Variants in KIAA0040 observed in about 807,000 individuals in gnomAD.
The protein encoded by KIAA0040 is uncharacterized protein KIAA0040.
KIAA0040 carries 10 observed loss-of-function variants against 7.2 expected under a neutral mutation model. That is an observed-to-expected ratio of 1.38 (90% CI 0.85 to 2.34). The LOEUF (loss-of-function observed/expected upper bound fraction) is 2.34. KIAA0040 is among the 30% of genes most tolerant of loss of function. The pLI is 0.00. For synonymous variants in KIAA0040, 49 were observed against 40.1 expected (o/e 1.22, Z -0.84); for missense variants, 89 against 108.2 (o/e 0.82, Z 0.79).
intron 3 of KIAA0040, among the ~76,000 whole-genome samples, chr1:175,163,985 A>T (rs937555858): frequency 1.3e-5 from 2 of 152,168 alleles, no homozygotes; most frequent in Admixed American, 6.5e-5. Flanking sequence ...GGATGTTCAA[A>T]CATTCCAGGC....
intron 2 of KIAA0040, among the ~76,000 whole-genome samples, chr1:175,171,151 T>C (rs1333259385): frequency 6.6e-6 from 1 of 152,218 alleles, no homozygotes. Context: ...CGTGTTACCT[T>C]ATCAGGAGGC....
chr1:175,176,469 G>A (rs1011388127), intron 2 of KIAA0040: 1 of 152,116 alleles, frequency 6.6e-6, no homozygotes, highest in Admixed American at 6.5e-5. Context: ...CACCCCAGAG[G>A]GCAGTCTGTG....
chr1:175,161,066 T>G lies in KIAA0040; in HGVS notation c.-53A>C, dbSNP rs948237811. 6.4e-5 allele frequency: 95 copies of G among 1,488,692 alleles called. No homozygotes were observed. Among genetic ancestry groups the G allele is most frequent in the South Asian group, 4.1e-5 (3 of 74,016 alleles). The allele number at this position is 1,488,692 out of a possible 1,614,324, so 92.2% of individuals were successfully genotyped here. On this transcript the variant is annotated 5_prime_UTR_variant, in exon 4 of 4. Coordinates refer to ENST00000423313, the MANE Select transcript of KIAA0040 (RefSeq NM_014656.3). ...ACCCTCTCGGCTTACAAGCAGGTCC[T>G]GGGCTCAAAAGGATGCAACCTTGAC...
At chr1:175,178,810 T>C (rs979530445) in intron 1 of KIAA0040, among the ~76,000 whole-genome samples, 7 of 152,182 alleles carry the variant, frequency 4.6e-5, no homozygotes, top group African/African-American at 1.4e-4. Flanking sequence ...CTAATATATA[T>C]GAGAGTTCTT....
At chr1:175,192,379 A>G (rs1008058872) in intron 1 of KIAA0040, among the ~76,000 whole-genome samples, 11 of 152,074 alleles carry the variant, frequency 7.2e-5, no homozygotes, top group Admixed American at 2.6e-4. Context: ...GGAGTAAGGT[A>G]ACTCCACCGC....
At chr1:175,188,463 C>T (rs983126855) in intron 1 of KIAA0040, among the ~76,000 whole-genome samples, 19 of 152,196 alleles carry the variant, frequency 1.2e-4, no homozygotes, top group African/African-American at 4.3e-4. Flanking sequence ...CTGTCTTTAT[C>T]TCCCTTACTG....
chr1:175,169,039 C>A (rs1558392178), intron 2 of KIAA0040, among the ~76,000 whole-genome samples: 1 of 152,220 alleles, frequency 6.6e-6, no homozygotes, highest in Non-Finnish European at 1.5e-5. Context: ...AGCACCCCTG[C>A]TGACCACAGT....
rs61736867 is a variant in KIAA0040 at position 175,160,379 on chromosome 1, G to A, written c.*335C>T. 146 of 271,518 alleles carry A rather than the reference G, an allele frequency of 5.4e-4. No individual in the cohort carries two copies. The highest frequency in any genetic ancestry group is 3.0e-3 in the African/African-American group (136 of 45,610). The allele number at this position is 271,518 out of a possible 1,614,324, so 16.8% of individuals were successfully genotyped here. On this transcript the variant is annotated 3_prime_UTR_variant, in exon 4 of 4. Transcript: ENST00000423313. The stretch of plus-strand genomic sequence containing the variant: ...TTGTGTGTGTGTGTGTTACGTGCAT[G>A]TGCACACACTTGGGAACCATATTGA...
rs917975656 is a variant in KIAA0040, at chr1:175,159,934, C to A, written c.*780G>T. 1 of 153,084 alleles carries A rather than the reference C, an allele frequency of 6.5e-6. No individual in the cohort carries two copies. Among genetic ancestry groups the A allele is most frequent in the African/African-American group, 2.4e-5 (1 of 41,418 alleles). The allele number at this position is 153,084 out of a possible 1,614,324, so 9.5% of individuals were successfully genotyped here. On this transcript the variant is annotated 3_prime_UTR_variant, in exon 4 of 4. Transcript: ENST00000423313. ...AAACACCTCTCAGTGGCAATGAGGA[C>A]GGACTTTGTCATGAGTTACAAGAAA...
chr1:175,162,927 G>A (rs1255785593), intron 3 of KIAA0040, among the ~76,000 whole-genome samples: 2 of 152,208 alleles, frequency 1.3e-5, no homozygotes, highest in African/African-American at 4.8e-5. Flanking sequence ...CCAACTTTTA[G>A]TAAGCAGTAA....
chr1:175,185,335 C>T (rs931456882), intron 1 of KIAA0040, among the ~76,000 whole-genome samples: 6 of 152,186 alleles, frequency 3.9e-5, no homozygotes, highest in Admixed American at 3.9e-4. Flanking sequence ...TAATGTTATC[C>T]CCAGCACAGA....
At chr1:175,175,704 G>A (rs1677158973) in intron 2 of KIAA0040, among the ~76,000 whole-genome samples, 1 of 152,154 alleles carries the variant, frequency 6.6e-6, no homozygotes, top group Non-Finnish European at 1.5e-5. Context: ...CCATAAAAAA[G>A]GATGAGTTCA....
chr1:175,182,894 A>T (rs1677493908), intron 1 of KIAA0040, among the ~76,000 whole-genome samples: 1 of 152,170 alleles, frequency 6.6e-6, no homozygotes, highest in Admixed American at 6.5e-5. Context: ...TAGGCATCTG[A>T]GCTTGTGACC....
chr1:175,189,404 A>G lies in KIAA0040; in HGVS notation c.-384+3236T>C, dbSNP rs111390102. ...AAGTGGGGTGGGTCTAAGGCCTAGC[A>G]GGTGGAATATTGGTGCTTTCAGCTC... On this transcript the variant is annotated intron_variant, in intron 1 of 3. Transcript: ENST00000423313. Among the ~76,000 whole-genome samples, 494 of 152,348 alleles carry G rather than the reference A, an allele frequency of 3.2e-3. 5 individuals are homozygous for G. The highest frequency in any genetic ancestry group is 0.01 in the African/African-American group (423 of 41,590).
chr1:175,176,669 C>CTTTTTTTTT lies in KIAA0040; in HGVS notation c.-310+933_-310+941dup, dbSNP rs34859478. ...ATCCAGTGTCAGGTTAAGTAGCATG[C>CTTTTTTTTT]TTTTTTTTTTTTTTTTTTTTTTTTT... On this transcript the variant is annotated intron_variant, in intron 2 of 3. Transcript: ENST00000423313. 9.6e-3 allele frequency among the ~76,000 whole-genome samples: 264 copies of CTTTTTTTTT among 27,462 alleles called. 82 individuals are homozygous for CTTTTTTTTT. The highest frequency in any genetic ancestry group is 0.026 in the East Asian group (15 of 568). 18.0% of individuals were successfully genotyped at this position (27,462 alleles called of 152,430 possible).
Position 175,173,752 on chromosome 1 carries a change from T to C in KIAA0040, c.-310+3859A>G, listed in dbSNP as rs182373259. 3.2e-3 allele frequency among the ~76,000 whole-genome samples: 489 copies of C among 152,318 alleles called. 1 individual carries two copies. The highest frequency in any genetic ancestry group is 5.5e-3 in the Non-Finnish European group (373 of 68,026). ...CTGTGACCTCAAGGAGCTCATGTTT[T>C]AATAGGACCAAACACGTTGAAGAGA... On this transcript the variant is annotated intron_variant, in intron 2 of 3. Coordinates refer to ENST00000423313, the MANE Select transcript of KIAA0040 (RefSeq NM_014656.3).
At chr1:175,175,887 G>A (rs575553742) in intron 2 of KIAA0040, among the ~76,000 whole-genome samples, 1 of 152,178 alleles carries the variant, frequency 6.6e-6, no homozygotes, top group Admixed American at 6.5e-5. Flanking sequence ...GGGGTCAGGG[G>A]AGGGGGAAGG....
Position 175,160,391 on chromosome 1 carries a change from G to T in KIAA0040, c.*323C>A. On this transcript the variant is annotated 3_prime_UTR_variant, in exon 4 of 4. Coordinates refer to ENST00000423313, the MANE Select transcript of KIAA0040 (RefSeq NM_014656.3). ...GTGTTACGTGCATGTGCACACACTT[G>T]GGAACCATATTGAGATGTATGGATA... is the stretch of plus-strand genomic sequence containing the variant. 1 of 302,026 alleles carries T rather than the reference G, an allele frequency of 3.3e-6. No individual in the cohort carries two copies. 18.7% of individuals were successfully genotyped at this position (302,026 alleles called of 1,614,324 possible).
At chr1:175,179,141 G>A (rs1677337429) in intron 1 of KIAA0040, among the ~76,000 whole-genome samples, 1 of 152,136 alleles carries the variant, frequency 6.6e-6, no homozygotes, top group Non-Finnish European at 1.5e-5. Context: ...AGTTCGAGAT[G>A]GGTATGGCAG....
Sources: gnomAD v4.1 joint callset for allele counts (sites outside exome capture counted in the v4.1 genomes callset) on GRCh38, gnomAD v4.1.1 for gene constraint, MANE v1.5 for transcripts, NCBI Gene and HGNC (gene_info 2026-07-23, HGNC 2026-07-21) for gene names.